The following NTF4 variants were observed in gnomAD, a reference collection of about 807,000 sequenced individuals.
The protein encoded by NTF4 is neurotrophin-4.
A neutral mutation model predicts 4.4 loss-of-function variants in NTF4; 2 were observed. The observed-to-expected ratio is 0.46, with a 90% confidence interval of 0.19 to 1.44. The LOEUF is 1.44. Ranked by LOEUF, NTF4 falls within the 40% of genes most tolerant of loss-of-function variation. The pLI is 0.26. For missense variants in NTF4, 260 were observed against 293.0 expected, an observed-to-expected ratio of 0.89 and a Z score of 0.82; for synonymous variants, 127 against 122.0, an observed-to-expected ratio of 1.04 and a Z score of -0.27.
chr19:49,061,640 C>G lies in NTF4; in HGVS notation c.358G>C (p.Val120Leu). The G allele has an allele frequency of 6.2e-7, 1 of 1,613,792 alleles. No homozygotes were observed. Among genetic ancestry groups the G allele is most frequent in the Non-Finnish European group, 8.5e-7 (1 of 1,179,984 alleles). The change falls in exon 1 of 1, where the codon GTG (valine) becomes CTG (leucine). Residue 120 changes from valine to leucine, a missense_variant. Val to Leu is a conservative substitution (Grantham distance 32). Transcript: ENST00000593537. The surrounding 1 kb of genome is among the most constrained non-coding windows in gnomAD (Gnocchi z 4.9). Reference sequence around the variant, plus strand: ...CCAGCTGCAGGCACCTCGCCCAACACCTCCACCTCGCGCCCACGCAAGTCC... The same window carrying G: ...CCAGCTGCAGGCACCTCGCCCAACAGCTCCACCTCGCGCCCACGCAAGTCC...
chr19:49,059,017 G>C (rs907290436), downstream of NTF4, among the ~76,000 whole-genome samples: 1 of 152,122 alleles, frequency 6.6e-6, no homozygotes, highest in African/African-American at 2.4e-5. Flanking sequence ...AGAGACCCAG[G>C]GGGTGGGGGA....
Position 49,061,914 on chromosome 19 carries a change from G to C in NTF4, c.84C>G (p.Pro28=). The change falls in exon 1 of 1, where the codon CCC becomes CCG. Residue 28 remains proline, a synonymous_variant. Coordinates refer to ENST00000593537, the Ensembl canonical transcript of NTF4. This position sits in a 1 kb window ranked among gnomAD's most constrained non-coding sequence, Gnocchi z 4.9. The stretch of plus-strand genomic sequence containing the variant: ...GGGCCAGAAAAGGGGGCAATGTTGA[G>C]GGTGGGGGTTGGGACTCAATTGGCA... 6.5e-7 allele frequency: 1 copy of C among 1,528,800 alleles called. No homozygotes were observed. The highest frequency in any genetic ancestry group is 8.9e-7 in the Non-Finnish European group (1 of 1,128,810). 94.7% of individuals were successfully genotyped at this position (1,528,800 alleles called of 1,614,324 possible).
downstream of NTF4, chr19:49,058,711 T>G: frequency 4.8e-6 from 1 of 208,888 alleles, no homozygotes; most frequent in Non-Finnish European, 9.6e-6. Context: ...GCATCTCGGT[T>G]GCAGAGATGA....
At position 49,061,167 on chromosome 19, in the gene NTF4, C is replaced by G; in HGVS notation, c.*198G>C. ...ATTATATCATCATCATTATTACCCTCAAGTTGCTCCAGGAGAACTCCTATT... is the reference window on the plus strand; with the variant it reads ...ATTATATCATCATCATTATTACCCTGAAGTTGCTCCAGGAGAACTCCTATT... On this transcript the variant is annotated 3_prime_UTR_variant, in exon 1 of 1. Coordinates refer to ENST00000593537, the Ensembl canonical transcript of NTF4. This position sits in a 1 kb window ranked among gnomAD's most constrained non-coding sequence, Gnocchi z 4.9. 3.3e-6 allele frequency: 3 copies of G among 912,706 alleles called. No homozygotes were observed. The highest frequency in any genetic ancestry group is 1.6e-6 in the Non-Finnish European group (1 of 616,442). 56.5% of individuals were successfully genotyped at this position (912,706 alleles called of 1,614,324 possible).
chr19:49,060,289 G>A (rs62127896), downstream of NTF4, among the ~76,000 whole-genome samples: 19,221 of 151,852 alleles, frequency 0.13, 1,336 homozygotes, highest in South Asian at 0.2. Context: ...CCAGGGGGCC[G>A]ATGAGTTAGT....
Position 49,061,803 on chromosome 19 carries a change from C to G in NTF4, c.195G>C (p.Gly65=). Residue 65 remains glycine, a synonymous_variant, in exon 1 of 1, where the codon GGG becomes GGC. Coordinates refer to ENST00000593537, the Ensembl canonical transcript of NTF4. The surrounding 1 kb of genome is among the most constrained non-coding windows in gnomAD (Gnocchi z 4.9). ...GGGCACCTGCTGACTCCCGAAAGGC[C>G]CCAGCCTCCAGCAGGAAGAGCAGAG... The G allele has an allele frequency of 6.4e-7, 1 of 1,554,792 alleles. No individual in the cohort carries two copies. The highest frequency in any genetic ancestry group is 8.7e-7 in the Non-Finnish European group (1 of 1,149,784).
chr19:49,062,818 A>T (rs2040169647), upstream of NTF4, among the ~76,000 whole-genome samples: 2 of 152,112 alleles, frequency 1.3e-5, no homozygotes, highest in Admixed American at 6.6e-5. Context: ...TAAAAATAAA[A>T]ATAATTCAAC....
In NTF4 at chr19:49,061,497, T is replaced by C. The variant is rs1262111722; in HGVS notation, c.501A>G (p.Val167=). The C allele has an allele frequency of 6.2e-7, 1 of 1,614,076 alleles. No individual in the cohort carries two copies. Among genetic ancestry groups the C allele is most frequent in the Admixed American group, 1.7e-5 (1 of 60,030 alleles). Residue 167 remains valine, a synonymous_variant, in exon 1 of 1, where the codon GTA becomes GTG. Transcript: ENST00000593537. This position sits in a 1 kb window ranked among gnomAD's most constrained non-coding sequence, Gnocchi z 4.9. ...AGGACTGCTTGGCCTTGCACTCAGA[T>C]ACCCAGTGCCTCCTGTCCACTCCCC... is the stretch of plus-strand genomic sequence containing the variant.
chr19:49,060,939 T>C (rs1327664596), downstream of NTF4: 1 of 202,194 alleles, frequency 4.9e-6, no homozygotes, highest in Non-Finnish European at 1.0e-5. Flanking sequence ...GGCCATCTGC[T>C]TGCCTGTTCT....
At chr19:49,059,259 C>T (rs2040103783), downstream of NTF4, among the ~76,000 whole-genome samples, 1 of 152,156 alleles carries the variant, frequency 6.6e-6, no homozygotes. Flanking sequence ...AAGGAGTCAG[C>T]GCTGGTGTCA....
At chr19:49,058,842 C>T (rs2122215238), downstream of NTF4, 2 of 155,954 alleles carry the variant, frequency 1.3e-5, no homozygotes, top group Middle Eastern at 6.1e-3. Context: ...CCCGCCCACC[C>T]CAATCCAGCC....
chr19:49,061,707 G>C lies in NTF4; in HGVS notation c.291C>G (p.Cys97Trp), dbSNP rs556785762. The C allele has an allele frequency of 6.2e-7, 1 of 1,613,186 alleles. No homozygotes were observed. Among genetic ancestry groups the C allele is most frequent in the Non-Finnish European group, 8.5e-7 (1 of 1,179,730 alleles). ...CTGTCACCCAGCCACTGACTGCATC[G>C]CACACAGCCAGCTCACCCCGACGAC... The change falls in exon 1 of 1, where the codon TGC (cysteine) becomes TGG (tryptophan). Residue 97 changes from cysteine (C) to tryptophan (W), a missense_variant. Transcript: ENST00000593537. This position sits in a 1 kb window ranked among gnomAD's most constrained non-coding sequence, Gnocchi z 4.9.
Position 49,061,774 on chromosome 19 carries a change from G to T in NTF4, c.224C>A (p.Ala75Asp), listed in dbSNP as rs774261204. ...GCTCACCCCACGCCGGCTGCGGTTGGCCGGGGCACCTGCTGACTCCCGAAA... is the reference window on the plus strand; with the variant it reads ...GCTCACCCCACGCCGGCTGCGGTTGTCCGGGGCACCTGCTGACTCCCGAAA... Residue 75 changes from alanine (A) to aspartate (D), a missense_variant, in exon 1 of 1, where the codon GCC becomes GAC. Coordinates refer to ENST00000593537, the Ensembl canonical transcript of NTF4. The surrounding 1 kb of genome is among the most constrained non-coding windows in gnomAD (Gnocchi z 4.9). The T allele has an allele frequency of 2.0e-5, 31 of 1,571,060 alleles. No homozygotes were observed. Among genetic ancestry groups the T allele is most frequent in the African/African-American group, 2.7e-5 (2 of 73,660 alleles).
At position 49,061,265 on chromosome 19, in the gene NTF4, G is replaced by C. The variant is rs2040128159; in HGVS notation, c.*100C>G. 2 of 1,560,690 alleles carry C rather than the reference G, an allele frequency of 1.3e-6. No homozygotes were observed. Among genetic ancestry groups the C allele is most frequent in the Non-Finnish European group, 1.7e-6 (2 of 1,157,764 alleles). Reference sequence around the variant, plus strand: ...CTCAAAATCAGAGAATTGTGATTTTGTGATTATTTGATGAGTTCCCAAACT... The same window carrying C: ...CTCAAAATCAGAGAATTGTGATTTTCTGATTATTTGATGAGTTCCCAAACT... On this transcript the variant is annotated 3_prime_UTR_variant, in exon 1 of 1. Transcript: ENST00000593537. This position sits in a 1 kb window ranked among gnomAD's most constrained non-coding sequence, Gnocchi z 4.9.
chr19:49,060,036 CAAAAAAAAAAAAAAAAAAA>C (rs55870191), downstream of NTF4, among the ~76,000 whole-genome samples: 689 of 28,492 alleles, frequency 0.024, 37 homozygotes, highest in African/African-American at 0.1. Context: ...GACTCCATCT[CAAAAAAAAAAAAAAAAAAA>C]AAAAAAAAAA....
At chr19:49,060,957 C>G (rs1488473827), downstream of NTF4, 2 of 218,334 alleles carry the variant, frequency 9.2e-6, no homozygotes, top group Non-Finnish European at 1.8e-5. Flanking sequence ...TCTAGTTTCT[C>G]TCCTCCTCCA....
chr19:49,062,768 G>A (rs949627111), upstream of NTF4, among the ~76,000 whole-genome samples: 12 of 152,098 alleles, frequency 7.9e-5, no homozygotes, highest in African/African-American at 2.7e-4. Flanking sequence ...TGGGCAACAA[G>A]AGCGAAACTC....
downstream of NTF4, chr19:49,060,587 C>G (rs1414106826): frequency 6.6e-6 from 1 of 152,172 alleles, no homozygotes; most frequent in Admixed American, 6.5e-5. Flanking sequence ...TCACCCACCT[C>G]GGCCTCCCAA....
chr19:49,061,108 A>G lies in NTF4; in HGVS notation c.*257T>C. The G allele has an allele frequency of 1.7e-6, 1 of 602,770 alleles. No homozygotes were observed. The highest frequency in any genetic ancestry group is 2.8e-6 in the Non-Finnish European group (1 of 351,582). 37.3% of individuals were successfully genotyped at this position (602,770 alleles called of 1,614,324 possible). A position where few individuals can be genotyped will look rare whatever the true frequency, so the allele number is the denominator to read the frequency against. On this transcript the variant is annotated 3_prime_UTR_variant, in exon 1 of 1. Coordinates refer to ENST00000593537, the Ensembl canonical transcript of NTF4. The surrounding 1 kb of genome is among the most constrained non-coding windows in gnomAD (Gnocchi z 4.9). ...GAGGAGTTATGTATTAGGGATAAGA[A>G]ACAGTAAACACTCAGTAAATAGTGG...
Sources: allele counts gnomAD v4.1 joint callset (sites outside exome capture counted in the v4.1 genomes callset), GRCh38; gene constraint gnomAD v4.1.1; non-coding constraint Gnocchi (gnomAD v3.1); transcripts MANE v1.5; gene names NCBI Gene and HGNC (gene_info 2026-07-23, HGNC 2026-07-21).